COL28A1: variants seen among roughly 807,000 people sequenced by gnomAD.
The protein encoded by COL28A1 is collagen type XXVIII alpha 1 chain, also known as collagen alpha-1(XXVIII) chain.
In COL28A1, 161 loss-of-function variants were observed where a neutral mutation model predicts 150.2. The observed-to-expected ratio is 1.07, with a 90% CI of 0.94 to 1.22. The LOEUF (loss-of-function observed/expected upper bound fraction) is 1.22. Among genes scored for constraint, COL28A1 ranks in the 50% most tolerant of loss-of-function variants. The probability of loss-of-function intolerance (pLI) is 0.00; values close to 1 mark genes in which losing one functional copy is unlikely to be tolerated. For missense variants in COL28A1, 1,617 were observed against 1,388.3 expected, an observed-to-expected ratio of 1.16 and a Z score of -2.62; for synonymous variants, 552 against 469.7, an observed-to-expected ratio of 1.18 and a Z score of -2.26.
At chr7:7,376,307 A>T (rs1781539185) in intron 30 of COL28A1, among the ~76,000 whole-genome samples, 1 of 152,258 alleles carries the variant, frequency 6.6e-6, no homozygotes, top group Non-Finnish European at 1.5e-5. Flanking sequence ...AATAAAGTTT[A>T]ACAGGTGCAA....
intron 11 of COL28A1, among the ~76,000 whole-genome samples, chr7:7,501,918 C>G (rs930986059): frequency 6.6e-6 from 1 of 152,104 alleles, no homozygotes; most frequent in Non-Finnish European, 1.5e-5. Context: ...TCTTTTGAGA[C>G]AGAGTCTCGC....
At chr7:7,355,275 A>G (rs1780320926), downstream of COL28A1, among the ~76,000 whole-genome samples, 1 of 152,150 alleles carries the variant, frequency 6.6e-6, no homozygotes. Context: ...GCAGCAGCAC[A>G]GAGGGTAAAT....
intron 27 of COL28A1, among the ~76,000 whole-genome samples, chr7:7,407,514 G>A (rs537309605): frequency 9.2e-5 from 14 of 152,132 alleles, no homozygotes; most frequent in African/African-American, 3.4e-4. Context: ...CGATAATGGA[G>A]ACTAAATGAC....
chr7:7,481,078 G>A (rs747373780), intron 13 of COL28A1, among the ~76,000 whole-genome samples: 8 of 152,190 alleles, frequency 5.3e-5, no homozygotes, highest in Non-Finnish European at 1.0e-4. Context: ...TTTCATGGAA[G>A]TTTTTACAAA....
At chr7:7,395,957 G>A (rs1782810163) in intron 27 of COL28A1, among the ~76,000 whole-genome samples, 1 of 152,158 alleles carries the variant, frequency 6.6e-6, no homozygotes, top group Non-Finnish European at 1.5e-5. Flanking sequence ...GACTTAGTGG[G>A]TTAATAACAG....
At chr7:7,400,633 T>C (rs1255282630) in intron 27 of COL28A1, among the ~76,000 whole-genome samples, 1 of 152,120 alleles carries the variant, frequency 6.6e-6, no homozygotes, top group Non-Finnish European at 1.5e-5. Context: ...TACAGATTTT[T>C]TGTCTGCTGG....
At chr7:7,387,230 A>G (rs1405393183) in intron 27 of COL28A1, among the ~76,000 whole-genome samples, 1 of 152,154 alleles carries the variant, frequency 6.6e-6, no homozygotes, top group East Asian at 1.9e-4. Flanking sequence ...GAGATGCCCT[A>G]CTATTTGTGG....
At chr7:7,442,911 T>C (rs921737821) in intron 20 of COL28A1, among the ~76,000 whole-genome samples, 10 of 151,852 alleles carry the variant, frequency 6.6e-5, no homozygotes, top group African/African-American at 2.2e-4. Context: ...GGCACACACC[T>C]GTAGTCCCAG....
At chr7:7,525,018 G>A (rs1447129371) in intron 3 of COL28A1, among the ~76,000 whole-genome samples, 1 of 152,044 alleles carries the variant, frequency 6.6e-6, no homozygotes, top group Non-Finnish European at 1.5e-5. Flanking sequence ...ATGTAAAAGA[G>A]GACTTACATT....
intron 16 of COL28A1, among the ~76,000 whole-genome samples, chr7:7,455,693 C>T (rs1787100293): frequency 6.6e-6 from 1 of 152,036 alleles, no homozygotes; most frequent in Admixed American, 6.6e-5. Context: ...TTAATTTTCA[C>T]AAAGCTTCAA....
intron 6 of COL28A1, among the ~76,000 whole-genome samples, chr7:7,519,790 C>T (rs916539843): frequency 1.3e-5 from 2 of 152,110 alleles, no homozygotes; most frequent in Non-Finnish European, 2.9e-5. Context: ...AGATTGGCTG[C>T]TATCGTTTAA....
chr7:7,356,997 CT>C (rs1184935206), downstream of COL28A1: 1 of 152,040 alleles, frequency 6.6e-6, no homozygotes, highest in Non-Finnish European at 1.5e-5. Context: ...CTTTTTTGCA[CT>C]GTTGAATTGA....
rs1781499094 is a variant in COL28A1, at chr7:7,517,803, CCT to C, written c.846_847del (p.Gly283SerfsTer10). 6.2e-7 allele frequency: 1 copy of C among 1,613,634 alleles called. No individual in the cohort carries two copies. The highest frequency in any genetic ancestry group is 8.5e-7 in the Non-Finnish European group (1 of 1,179,706). ...TTCCAGTTGTGTACATACCCCTGGACCTCTTTCTCCAGCTTCTCCTTTTTGAG... is the reference window on the plus strand; with the variant it reads ...TTCCAGTTGTGTACATACCCCTGGACCTTTCTCCAGCTTCTCCTTTTTGAG... On this transcript the variant is annotated frameshift_variant, in exon 7 of 35. Transcript: ENST00000399429. LOFTEE classifies it high-confidence loss of function.
At chr7:7,394,203 T>C (rs907364492) in intron 27 of COL28A1, among the ~76,000 whole-genome samples, 13 of 152,102 alleles carry the variant, frequency 8.5e-5, no homozygotes, top group African/African-American at 2.9e-4. Flanking sequence ...CCCTGACCCC[T>C]TGTGCTTTCC....
Position 7,477,155 on chromosome 7 carries a change from G to C in COL28A1, c.1190C>G (p.Pro397Arg). The change falls in exon 14 of 35, where the codon CCA (proline) becomes CGA (arginine). Residue 397 changes from proline (P) to arginine (R), a missense_variant. Pro to Arg is a moderately radical substitution (Grantham distance 103, BLOSUM62 -2). Transcript: ENST00000399429. Reference sequence around the variant, plus strand: ...TTCTCCGGGTAAGCCCCTCTCTCCTGGTACTCCCTCAGGACCACGGGGACC... The same window carrying C: ...TTCTCCGGGTAAGCCCCTCTCTCCTCGTACTCCCTCAGGACCACGGGGACC... The part of the protein sequence containing the change: ...QPGPRGPEGV[P>R]GERGLPGEGF... The C allele has an allele frequency of 7.5e-7, 1 of 1,336,186 alleles. No individual in the cohort carries two copies. The highest frequency in any genetic ancestry group is 1.1e-6 in the Non-Finnish European group (1 of 925,906). The allele number at this position is 1,336,186 out of a possible 1,614,324, so 82.8% of individuals were successfully genotyped here. A position where few individuals can be genotyped will look rare whatever the true frequency, so the allele number is the denominator to read the frequency against.
At chr7:7,531,966 C>T (rs1002222737) in intron 2 of COL28A1, 62 bp from the exon 3 acceptor site, 33 of 1,005,588 alleles carry the variant, frequency 3.3e-5, no homozygotes, top group East Asian at 1.5e-4. Context: ...AATTTGCATA[C>T]GGAAAGCCCT....
rs1554264683 is a variant in COL28A1, at chr7:7,400,975, G to GGTGGGTGT, written c.2136+16883_2136+16884insACACCCAC. 2.5e-5 allele frequency among the ~76,000 whole-genome samples: 3 copies of GGTGGGTGT among 119,074 alleles called. No individual in the cohort carries two copies. The South Asian group carries it at 9.4e-4, about 37-fold the overall frequency. 78.1% of individuals were successfully genotyped at this position (119,074 alleles called of 152,430 possible). A position where few individuals can be genotyped will look rare whatever the true frequency, so the allele number is the denominator to read the frequency against. ...GTCCCATAGGACGTGTGGGTATTTG[G>GGTGGGTGT]GTGTGTGTGTGTGTGTGTGTGTGTG... is the stretch of plus-strand genomic sequence containing the variant. On this transcript the variant is annotated intron_variant, in intron 27 of 34. Coordinates refer to ENST00000399429, the MANE Select transcript of COL28A1 (RefSeq NM_001037763.3).
intron 5 of COL28A1, among the ~76,000 whole-genome samples, chr7:7,520,384 G>T: frequency 6.6e-6 from 1 of 152,192 alleles, no homozygotes; most frequent in East Asian, 1.9e-4. Flanking sequence ...CTTCTCAGCA[G>T]TTTTGCAAAC....
rs191909436 is a variant in COL28A1 at position 7,417,813 on chromosome 7, C to G, written c.2136+46G>C. On this transcript the variant is annotated intron_variant, in intron 27 of 34. Coordinates refer to ENST00000399429, the MANE Select transcript of COL28A1 (RefSeq NM_001037763.3). ...TATCTACAACCTCTTCTCCCAATCA[C>G]TCTGGTGAAATCAGAGGTGACTCCA... The G allele has an allele frequency of 3.7e-3, 5,599 of 1,515,506 alleles. 167 individuals carry two copies. In the African/African-American group the frequency reaches 0.064, roughly 17 times the overall value. 93.9% of individuals were successfully genotyped at this position (1,515,506 alleles called of 1,614,324 possible). A position where few individuals can be genotyped will look rare whatever the true frequency, so the allele number is the denominator to read the frequency against.
Sources: gnomAD v4.1 joint callset for allele counts (sites outside exome capture counted in the v4.1 genomes callset) on GRCh38, gnomAD v4.1.1 for gene constraint, MANE v1.5 for transcripts, NCBI Gene and HGNC (gene_info 2026-07-23, HGNC 2026-07-21) for gene names.